The following RIMBP2 variants were observed in gnomAD, a reference collection of about 807,000 sequenced individuals.
RIMBP2 encodes RIMS-binding protein 2.
RIMBP2 carries 48 observed loss-of-function variants against 118.6 expected under a neutral mutation model. That is an observed-to-expected ratio of 0.40 (90% CI 0.32 to 0.51). RIMBP2 has a LOEUF of 0.51. RIMBP2 is among the 20% of genes least tolerant of loss of function. RIMBP2 has a pLI of 0.41. For missense variants in RIMBP2, 1,551 were observed against 1,768.3 expected, an observed-to-expected ratio of 0.88 and a Z score of 2.20; for synonymous variants, 762 against 742.9, an observed-to-expected ratio of 1.03 and a Z score of -0.42.
At chr12:130,665,821 C>T (rs903741837) in intron 1 of RIMBP2, among the ~76,000 whole-genome samples, 2 of 152,150 alleles carry the variant, frequency 1.3e-5, no homozygotes, top group Non-Finnish European at 2.9e-5. Context: ...AGACCCATCA[C>T]GATACTGCAG....
intron 1 of RIMBP2, among the ~76,000 whole-genome samples, chr12:130,685,867 G>A (rs898945980): frequency 6.6e-6 from 1 of 152,112 alleles, no homozygotes; most frequent in Non-Finnish European, 1.5e-5. Flanking sequence ...TCCGCTGGTG[G>A]ACCAGAACAA....
chr12:130,698,066 G>A (rs192778288), intron 1 of RIMBP2, among the ~76,000 whole-genome samples: 1 of 152,314 alleles, frequency 6.6e-6, no homozygotes, highest in East Asian at 1.9e-4. Context: ...AAAGTTGAGA[G>A]CTGTGCTGTG....
rs1164274135 is a variant in RIMBP2, at chr12:130,511,955, A to G, written c.-126-5185T>C. 1.3e-5 allele frequency among the ~76,000 whole-genome samples: 2 copies of G among 152,076 alleles called. No individual in the cohort carries two copies. The highest frequency in any genetic ancestry group is 2.9e-5 in the Non-Finnish European group (2 of 68,002). On this transcript the variant is annotated intron_variant, in intron 3 of 22. Transcript: ENST00000690449. This position sits in a 1 kb window ranked among gnomAD's most constrained non-coding sequence, Gnocchi z 4.3. ...TCCTGAGCACAACAGTGCCCTTCGT[A>G]TGAAACCCACCAAGCTCAGGCTTCT...
At position 130,617,396 on chromosome 12, in the gene RIMBP2, C is replaced by T. The variant is rs1295441121; in HGVS notation, c.-217+10926G>A. Among the ~76,000 whole-genome samples, 1 of 152,238 alleles carries T rather than the reference C, an allele frequency of 6.6e-6. No individual in the cohort carries two copies. Among genetic ancestry groups the T allele is most frequent in the Non-Finnish European group, 1.5e-5 (1 of 68,046 alleles). On this transcript the variant is annotated intron_variant, in intron 2 of 22. Transcript: ENST00000690449. The surrounding 1 kb of genome is among the most constrained non-coding windows in gnomAD (Gnocchi z 4.6). ...CTGGAAGGAGTGAGTCACCATCTCCCTTCACCAGACTCCATTTTTTTCCTA... is the reference window on the plus strand; with the variant it reads ...CTGGAAGGAGTGAGTCACCATCTCCTTTCACCAGACTCCATTTTTTTCCTA...
chr12:130,531,329 C>A (rs1444419812), intron 2 of RIMBP2, among the ~76,000 whole-genome samples: 2 of 152,194 alleles, frequency 1.3e-5, no homozygotes, highest in South Asian at 2.1e-4. Context: ...CTCTCCCCTG[C>A]CTCCTCCCAG....
At chr12:130,689,412 A>C (rs904608836) in intron 1 of RIMBP2, among the ~76,000 whole-genome samples, 3 of 152,204 alleles carry the variant, frequency 2.0e-5, no homozygotes, top group Non-Finnish European at 4.4e-5. Flanking sequence ...CAGCTTGGGC[A>C]ACAAGAGTGA....
chr12:130,712,685 C>T (rs1950006904), intron 1 of RIMBP2, among the ~76,000 whole-genome samples: 1 of 152,178 alleles, frequency 6.6e-6, no homozygotes, highest in African/African-American at 2.4e-5. Context: ...TACAGTAAAT[C>T]CATAAGCCAG....
chr12:130,491,823 C>T (rs1307246909), intron 4 of RIMBP2, among the ~76,000 whole-genome samples: 1 of 152,246 alleles, frequency 6.6e-6, no homozygotes, highest in Non-Finnish European at 1.5e-5. Flanking sequence ...GCCAAAACTG[C>T]CTGTCTGAAA....
intron 11 of RIMBP2, among the ~76,000 whole-genome samples, chr12:130,439,236 ATATG>A (rs903620469): frequency 3.0e-4 from 46 of 151,622 alleles, no homozygotes; most frequent in East Asian, 9.8e-4. Context: ...GTGTAGATGT[ATATG>A]TATGTATGTA....
chr12:130,675,020 G>T (rs1425289417), intron 1 of RIMBP2, among the ~76,000 whole-genome samples: 2 of 152,132 alleles, frequency 1.3e-5, no homozygotes, highest in Non-Finnish European at 1.5e-5. Context: ...ATCTGTAGAG[G>T]GGCGTGCAGT....
chr12:130,705,653 T>C (rs1315486488), intron 1 of RIMBP2, among the ~76,000 whole-genome samples: 1 of 152,244 alleles, frequency 6.6e-6, no homozygotes, highest in East Asian at 1.9e-4. Flanking sequence ...TTTCCTGCTC[T>C]TTCTCTCCTT....
chr12:130,575,451 A>T (rs982909689), intron 2 of RIMBP2, among the ~76,000 whole-genome samples: 2 of 152,048 alleles, frequency 1.3e-5, no homozygotes, highest in Non-Finnish European at 2.9e-5. Context: ...TATTCATGTG[A>T]CATTTCCATC....
intron 1 of RIMBP2, among the ~76,000 whole-genome samples, chr12:130,630,873 G>A (rs951668227): frequency 1.3e-5 from 2 of 152,032 alleles, no homozygotes; most frequent in Admixed American, 6.6e-5. Context: ...TACCATACAT[G>A]CAAAGACTCA....
At chr12:130,637,327 T>C (rs750295849) in intron 1 of RIMBP2, among the ~76,000 whole-genome samples, 21 of 152,236 alleles carry the variant, frequency 1.4e-4, no homozygotes, top group Admixed American at 5.2e-4. Context: ...TCACAGCCCA[T>C]GGGGCCCCTC....
At chr12:130,506,534 G>T in intron 4 of RIMBP2, 114 bp downstream of exon 4, 1 of 732,884 alleles carries the variant, frequency 1.4e-6, no homozygotes, top group Non-Finnish European at 1.7e-6. Context: ...GAATGTGGAT[G>T]ATGGCTTCCA....
At chr12:130,470,796 A>G (rs2080938112) in intron 5 of RIMBP2, 53 bp from the exon 6 acceptor site, 4 of 1,080,272 alleles carry the variant, frequency 3.7e-6, no homozygotes, top group Non-Finnish European at 4.7e-6. Context: ...GGGAAAGAAG[A>G]CAATCGGATC....
At chr12:130,667,463 C>G (rs1373590208) in intron 1 of RIMBP2, 1 of 152,296 alleles carries the variant, frequency 6.6e-6, no homozygotes, top group East Asian at 1.9e-4. Flanking sequence ...GGAAGCCCAC[C>G]CTTGTGAGAA....
intron 1 of RIMBP2, among the ~76,000 whole-genome samples, chr12:130,646,172 TG>T (rs2062915099): frequency 4.2e-5 from 3 of 71,964 alleles, no homozygotes; most frequent in Non-Finnish European, 1.0e-4. Flanking sequence ...CCTCACCACC[TG>T]CCTCTCCACC....
At chr12:130,632,982 A>G (rs2062096182) in intron 1 of RIMBP2, among the ~76,000 whole-genome samples, 2 of 152,192 alleles carry the variant, frequency 1.3e-5, no homozygotes, top group Admixed American at 6.5e-5. Context: ...GGAGCACAGG[A>G]TCATGCCTTC....
Sources: allele counts gnomAD v4.1 joint callset (sites outside exome capture counted in the v4.1 genomes callset), GRCh38; gene constraint gnomAD v4.1.1; non-coding constraint Gnocchi (gnomAD v3.1); transcripts MANE v1.5; gene names NCBI Gene and HGNC (gene_info 2026-07-23, HGNC 2026-07-21).